The following MBD4 variants were observed in gnomAD, a reference collection of about 807,000 sequenced individuals.
The protein encoded by MBD4 is methyl-CpG binding domain 4, DNA glycosylase, also known as methyl-CpG-binding domain protein 4.
MBD4 carries 53 observed loss-of-function variants against 60.2 expected under a neutral mutation model. That is an observed-to-expected ratio of 0.88 (90% CI 0.71 to 1.11). The LOEUF (loss-of-function observed/expected upper bound fraction) is 1.11. Among genes scored for constraint, MBD4 ranks in the 50% least tolerant of loss-of-function variants. MBD4 has a pLI of 0.00. For missense variants in MBD4, 619 were observed against 674.0 expected (o/e 0.92, Z 0.90); for synonymous variants, 231 against 229.8 (o/e 1.01, Z -0.05).
At position 129,437,197 on chromosome 3, in the gene MBD4, C is replaced by G. The variant is rs1340870925; in HGVS notation, c.447G>C (p.Arg149Ser). 1 of 1,613,816 alleles carries G rather than the reference C, an allele frequency of 6.2e-7. No individual in the cohort carries two copies. Residue 149 changes from arginine to serine, a missense_variant, in exon 3 of 8, where the codon AGG (arginine) becomes AGC (serine). Coordinates refer to ENST00000429544, the MANE Select transcript of MBD4 (RefSeq NM_001276270.2). ...AGTCTTTATATCTTGACTTGATACC[C>G]CTTTTAGAAAGTACAGTAAAATCAA... ...EDFDFTVLSK[R>S]GIKSRYKDCS...
chr3:129,431,786 G>A (rs1290123228), intron 7 of MBD4, among the ~76,000 whole-genome samples: 2 of 152,148 alleles, frequency 1.3e-5, no homozygotes, highest in African/African-American at 4.8e-5. Context: ...ACAAGGTACT[G>A]TCCAAATTAC....
chr3:129,436,314 TATCTC>T, intron 3 of MBD4, 142 bp downstream of exon 3: 2 of 835,410 alleles, frequency 2.4e-6, no homozygotes, highest in Non-Finnish European at 3.8e-6. Flanking sequence ...GATCAACTGG[TATCTC>T]ATATTTGGCC....
intron 6 of MBD4, 140 bp downstream of exon 6, chr3:129,432,958 T>C (rs778143116): frequency 1.2e-5 from 13 of 1,105,250 alleles, no homozygotes; most frequent in East Asian, 2.5e-5. Context: ...TTGGGGAAAG[T>C]GGACTTTTTT....
In MBD4 at chr3:129,437,067, T is replaced by A. The variant is rs1343881339; in HGVS notation, c.577A>T (p.Ser193Cys). The A allele has an allele frequency of 1.2e-6, 2 of 1,614,226 alleles. No homozygotes were observed. Among genetic ancestry groups the A allele is most frequent in the Non-Finnish European group, 1.7e-6 (2 of 1,180,022 alleles). ...KCKKDVFMPP[S>C]SSSELQESRG... ...CTCTCCTGCAACTCTGAACTACTAC[T>A]TGGCGGCATAAACACATCCTTTTTG... is the stretch of plus-strand genomic sequence containing the variant. Residue 193 changes from serine to cysteine, a missense_variant, in exon 3 of 8, where the codon AGT becomes TGT. Coordinates refer to ENST00000429544, the MANE Select transcript of MBD4 (RefSeq NM_001276270.2).
intron 1 of MBD4, among the ~76,000 whole-genome samples, chr3:129,438,387 A>T (rs1443650826): frequency 1.3e-5 from 2 of 152,202 alleles, no homozygotes; most frequent in Non-Finnish European, 2.9e-5. Context: ...TCTGGGAGAG[A>T]GTGTGTATCA....
intron 3 of MBD4, 110 bp downstream of exon 3, chr3:129,436,351 A>C (rs1374245924): frequency 2.9e-6 from 4 of 1,364,160 alleles, no homozygotes; most frequent in African/African-American, 2.9e-5. Context: ...CTCTATTTTC[A>C]CATCTTAACC....
In MBD4 at chr3:129,437,185, T is replaced by A; in HGVS notation, c.459A>T (p.Ser153=). 6.2e-7 allele frequency: 1 copy of A among 1,614,036 alleles called. No individual in the cohort carries two copies. Among genetic ancestry groups the A allele is most frequent in the Non-Finnish European group, 8.5e-7 (1 of 1,179,960 alleles). The change falls in exon 3 of 8, where the codon TCA becomes TCT. Residue 153 remains serine, a synonymous_variant. Transcript: ENST00000429544. ...CTGCCATGCTGCAGTCTTTATATCT[T>A]GACTTGATACCCCTTTTAGAAAGTA... is the stretch of plus-strand genomic sequence containing the variant. ...FTVLSKRGIK[S]RYKDCSMAAL...
chr3:129,437,470 C>T (rs1387550398), intron 2 of MBD4, among the ~76,000 whole-genome samples, 162 bp from the exon 3 acceptor site: 1 of 152,136 alleles, frequency 6.6e-6, no homozygotes, highest in Non-Finnish European at 1.5e-5. Context: ...AAATGGTTTC[C>T]TCTATGACAA....
Position 129,433,256 on chromosome 3 carries a change from TA to T in MBD4, c.1394-10del. On this transcript the variant is annotated splice_polypyrimidine_tract_variant and intron_variant, in intron 5 of 7. Coordinates refer to ENST00000429544, the MANE Select transcript of MBD4 (RefSeq NM_001276270.2). ...AGGTATTGCCATTTTGCCTGGGAAG[TA>T]AAAGTAACTGAATGATTACAAGACT... The T allele has an allele frequency of 6.2e-7, 1 of 1,613,828 alleles. No individual in the cohort carries two copies. The highest frequency in any genetic ancestry group is 8.5e-7 in the Non-Finnish European group (1 of 1,179,890).
Position 129,432,514 on chromosome 3 carries a change from C to T in MBD4, c.1636G>A (p.Glu546Lys), listed in dbSNP as rs749164308. 9 of 1,614,228 alleles carry T rather than the reference C, an allele frequency of 5.6e-6. No homozygotes were observed. Among genetic ancestry groups the T allele is most frequent in the Middle Eastern group, 1.6e-4 (1 of 6,062 alleles). Residue 546 changes from glutamate (E) to lysine (K), a missense_variant, in exon 7 of 8, where the codon GAG (glutamate) becomes AAG (lysine). Coordinates refer to ENST00000429544, the MANE Select transcript of MBD4 (RefSeq NM_001276270.2). ...NDSYRIFCVN[E>K]WKQVHPEDHK... The stretch of plus-strand genomic sequence containing the variant: ...GGAGTGAGCCTCACCTGCTTCCACT[C>T]ATTGACACAAAAAATTCGGTAAGAG...
At chr3:129,431,923 T>A (rs1254593699) in intron 7 of MBD4, among the ~76,000 whole-genome samples, 1 of 152,182 alleles carries the variant, frequency 6.6e-6, no homozygotes, top group Non-Finnish European at 1.5e-5. Flanking sequence ...ATTGCTCTGA[T>A]GAAGCTGGGA....
intron 5 of MBD4, 91 bp from the exon 6 acceptor site, chr3:129,433,338 G>GT (rs1186935515): frequency 0.068 from 63,450 of 931,802 alleles, 3 homozygotes; most frequent in Non-Finnish European, 0.073. Context: ...CATCCAGAGG[G>GT]TTTTTTTTTT....
At chr3:129,434,202 AAAT>A (rs751628898) in intron 3 of MBD4, 66 bp from the exon 4 acceptor site, 3 of 1,201,646 alleles carry the variant, frequency 2.5e-6, no homozygotes, top group Non-Finnish European at 2.5e-6. Context: ...TGAGGGATGC[AAAT>A]AATAATATCA....
In MBD4 at chr3:129,435,923, C is replaced by T. The variant is rs546256205; in HGVS notation, c.1183+538G>A. 1.7e-3 allele frequency among the ~76,000 whole-genome samples: 255 copies of T among 152,106 alleles called. No individual in the cohort carries two copies. In the Middle Eastern group the frequency reaches 0.02, roughly 12 times the overall value. ...AGAGCTCTAAAGCATTTTAGAGAAG[C>T]ATTACATTAAAATAGAAGATAAAAA... On this transcript the variant is annotated intron_variant, in intron 3 of 7. Transcript: ENST00000429544.
At position 129,431,815 on chromosome 3, in the gene MBD4, AATGT is replaced by A. The variant is rs534079343; in HGVS notation, c.1648-241_1648-238del. 4.6e-5 allele frequency among the ~76,000 whole-genome samples: 7 copies of A among 152,328 alleles called. No homozygotes were observed. The East Asian group carries it at 1.3e-3, about 29-fold the overall frequency. On this transcript the variant is annotated intron_variant, in intron 7 of 7. Coordinates refer to ENST00000429544, the MANE Select transcript of MBD4 (RefSeq NM_001276270.2). ...AAATTACTACTCAACCATGACTTAG[AATGT>A]GGGGTGGCGATAACATGAGTCAAGT...
Position 129,434,002 on chromosome 3 carries a change from A to T in MBD4, c.1259-18T>A, listed in dbSNP as rs1434697310. On this transcript the variant is annotated intron_variant, in intron 4 of 7. Transcript: ENST00000429544. Reference sequence around the variant, plus strand: ...GCTAAGAGCTAAACAAACATAGTGCATCAGAATTGAAAACCCAAAATGGAA... The same window carrying T: ...GCTAAGAGCTAAACAAACATAGTGCTTCAGAATTGAAAACCCAAAATGGAA... 1.2e-6 allele frequency: 2 copies of T among 1,614,184 alleles called. No homozygotes were observed. Among genetic ancestry groups the T allele is most frequent in the Non-Finnish European group, 1.7e-6 (2 of 1,180,000 alleles).
chr3:129,432,229 A>G, intron 7 of MBD4: 1 of 1,430,648 alleles, frequency 7.0e-7, no homozygotes, highest in Non-Finnish European at 9.1e-7. Flanking sequence ...TAGAGATAGC[A>G]CACAAATAGG....
rs748118249 is a variant in MBD4 at position 129,437,825 on chromosome 3, G to A, written c.230C>T (p.Thr77Ile). Residue 77 changes from threonine to isoleucine, a missense_variant, in exon 2 of 8, where the codon ACT becomes ATT. Coordinates refer to ENST00000429544, the MANE Select transcript of MBD4 (RefSeq NM_001276270.2). ...EPIASAQFGA[T>I]AGTECRKSVP... ...AGACTTACGGCATTCTGTTCCTGCA[G>A]TAGCACCAAACTGAGCAGAAGCGAT... 10 of 1,613,944 alleles carry A rather than the reference G, an allele frequency of 6.2e-6. No homozygotes were observed. The highest frequency in any genetic ancestry group is 8.5e-6 in the Non-Finnish European group (10 of 1,179,918).
In MBD4 at chr3:129,433,123, C is replaced by T. The variant is rs909072844; in HGVS notation, c.1518G>A (p.Arg506=). The part of the protein sequence containing the change: ...LLKPLGLYDL[R]AKTIVKFSDE... ...CTGAGAACTTGACAATGGTTTTTGC[C>T]CGAAGATCGTAGAGACCAAGAGGTT... Residue 506 remains arginine, a synonymous_variant, in exon 6 of 8, where the codon CGG becomes CGA. Transcript: ENST00000429544. The T allele has an allele frequency of 6.2e-7, 1 of 1,613,936 alleles. No individual in the cohort carries two copies. The highest frequency in any genetic ancestry group is 1.3e-5 in the African/African-American group (1 of 74,880).
Sources: gnomAD v4.1 joint callset for allele counts (sites outside exome capture counted in the v4.1 genomes callset) on GRCh38, gnomAD v4.1.1 for gene constraint, MANE v1.5 for transcripts, NCBI Gene and HGNC (gene_info 2026-07-23, HGNC 2026-07-21) for gene names.